Variants in RAD51B observed in about 807,000 individuals in gnomAD.
RAD51B encodes DNA repair protein RAD51 homolog 2.
In RAD51B, 38 loss-of-function variants were observed where a neutral mutation model predicts 42.2. The observed-to-expected ratio is 0.90, with a 90% CI of 0.70 to 1.18. RAD51B has a LOEUF of 1.18. RAD51B is among the 50% of genes most tolerant of loss of function. The probability of loss-of-function intolerance (pLI) is 0.00; values close to 1 mark genes in which losing one functional copy is unlikely to be tolerated. For synonymous variants in RAD51B, 154 were observed against 145.2 expected, an observed-to-expected ratio of 1.06 and a Z score of -0.43; for missense variants, 373 against 400.7, an observed-to-expected ratio of 0.93 and a Z score of 0.59.
At chr14:68,053,766 A>G (rs957534697) in intron 7 of RAD51B, among the ~76,000 whole-genome samples, 8 of 152,008 alleles carry the variant, frequency 5.3e-5, no homozygotes. Flanking sequence ...ATCTTGAATA[A>G]CTCCAATTCA....
At chr14:67,926,842 G>A (rs1475167844) in intron 7 of RAD51B, among the ~76,000 whole-genome samples, 2 of 152,190 alleles carry the variant, frequency 1.3e-5, no homozygotes, top group East Asian at 1.9e-4. Context: ...AATTACAGAC[G>A]TGAGCCACCA....
chr14:68,668,987 G>A (rs1345484460), intron 11 of RAD51B, among the ~76,000 whole-genome samples: 1 of 152,232 alleles, frequency 6.6e-6, no homozygotes, highest in East Asian at 1.9e-4. Context: ...AAACAGTGCT[G>A]GATTCTTTCT....
chr14:68,095,946 T>TGGGTGACA (rs1434646475), intron 7 of RAD51B, among the ~76,000 whole-genome samples: 3 of 123,986 alleles, frequency 2.4e-5, no homozygotes, highest in Non-Finnish European at 4.7e-5. Context: ...CTCTCCAGCC[T>TGGGTGACA]GGGTGACAGA....
At chr14:68,638,261 T>C (rs1172176143) in intron 10 of RAD51B, among the ~76,000 whole-genome samples, 2 of 152,204 alleles carry the variant, frequency 1.3e-5, no homozygotes, top group Non-Finnish European at 2.9e-5. Flanking sequence ...AATGAGCTTC[T>C]TATTAGGAGT....
intron 10 of RAD51B, among the ~76,000 whole-genome samples, chr14:68,533,919 G>A (rs566022190): frequency 3.3e-5 from 5 of 152,218 alleles, no homozygotes; most frequent in Admixed American, 1.3e-4. Context: ...AGTTTGGCAC[G>A]AGGAGAGAGG....
intron 7 of RAD51B, among the ~76,000 whole-genome samples, chr14:68,119,750 G>A (rs2077614708): frequency 6.6e-6 from 1 of 151,576 alleles, no homozygotes; most frequent in Non-Finnish European, 1.5e-5. Context: ...CCAAGTCTTT[G>A]CTATTGTGAA....
intron 7 of RAD51B, among the ~76,000 whole-genome samples, chr14:67,944,654 T>A (rs1005188587): frequency 2.0e-5 from 3 of 152,220 alleles, no homozygotes; most frequent in Admixed American, 2.0e-4. Flanking sequence ...TATTATTCAC[T>A]TTTCTAGGTA....
intron 7 of RAD51B, among the ~76,000 whole-genome samples, chr14:67,983,657 C>T (rs1314316409): frequency 6.6e-6 from 1 of 152,054 alleles, no homozygotes; most frequent in Non-Finnish European, 1.5e-5. Context: ...CAGTGATTTA[C>T]CTAAGATGAG....
chr14:68,249,140 C>G (rs552176523), intron 7 of RAD51B, among the ~76,000 whole-genome samples: 2 of 152,300 alleles, frequency 1.3e-5, no homozygotes, highest in African/African-American at 4.8e-5. Context: ...GCCGTGCAGT[C>G]GGTGGGTCAT....
intron 7 of RAD51B, among the ~76,000 whole-genome samples, chr14:67,891,408 A>T (rs1406175819): frequency 6.6e-6 from 1 of 152,080 alleles, no homozygotes; most frequent in East Asian, 1.9e-4. Flanking sequence ...ATTGCTTATC[A>T]AGGTTTTTGG....
chr14:67,991,479 A>G (rs1258402403), intron 7 of RAD51B, among the ~76,000 whole-genome samples: 1 of 152,182 alleles, frequency 6.6e-6, no homozygotes, highest in African/African-American at 2.4e-5. Context: ...GTCCATCATG[A>G]TATCACTGTG....
At chr14:67,992,224 A>T (rs1466258456) in intron 7 of RAD51B, among the ~76,000 whole-genome samples, 1 of 152,210 alleles carries the variant, frequency 6.6e-6, no homozygotes, top group Non-Finnish European at 1.5e-5. Context: ...AAAGAAGCCT[A>T]TAAGGAGTCA....
chr14:68,019,746 G>T (rs751785952), intron 7 of RAD51B, among the ~76,000 whole-genome samples: 1 of 152,006 alleles, frequency 6.6e-6, no homozygotes, highest in African/African-American at 2.4e-5. Flanking sequence ...GGATGACTGC[G>T]TATAACAAAA....
downstream of RAD51B, among the ~76,000 whole-genome samples, chr14:68,598,124 G>C (rs1891077882): frequency 6.6e-6 from 1 of 152,144 alleles, no homozygotes; most frequent in Non-Finnish European, 1.5e-5. Flanking sequence ...TCTACATAAA[G>C]AGGTGGTATC....
chr14:68,549,073 G>A (rs891286568), intron 10 of RAD51B, among the ~76,000 whole-genome samples: 1 of 152,190 alleles, frequency 6.6e-6, no homozygotes, highest in African/African-American at 2.4e-5. Context: ...CTGGGAGTCA[G>A]AGTGGGAGCT....
chr14:68,670,644 C>G (rs73278112), intron 11 of RAD51B, among the ~76,000 whole-genome samples: 1,732 of 152,328 alleles, frequency 0.011, 27 homozygotes, highest in African/African-American at 0.039. Context: ...CTCCTGGCCA[C>G]TTGCTACTTT....
At chr14:68,653,750 C>T (rs112250582) in intron 11 of RAD51B, among the ~76,000 whole-genome samples, 2 of 152,354 alleles carry the variant, frequency 1.3e-5, no homozygotes, top group African/African-American at 4.8e-5. Context: ...CATGGAGACA[C>T]GAACACAGGC....
chr14:68,089,174 G>T (rs2140512140), intron 7 of RAD51B, among the ~76,000 whole-genome samples: 1 of 152,186 alleles, frequency 6.6e-6, no homozygotes. Flanking sequence ...AATGGAGACA[G>T]TTCAAGTATC....
intron 7 of RAD51B, among the ~76,000 whole-genome samples, chr14:67,947,556 A>G (rs917101575): frequency 2.6e-5 from 4 of 152,148 alleles, no homozygotes; most frequent in African/African-American, 9.7e-5. Flanking sequence ...TAGCTTCCAA[A>G]AAGAGTTGTT....
Sources: gnomAD v4.1 joint callset for allele counts (sites outside exome capture counted in the v4.1 genomes callset) on GRCh38, gnomAD v4.1.1 for gene constraint, MANE v1.5 for transcripts, NCBI Gene and HGNC (gene_info 2026-07-23, HGNC 2026-07-21) for gene names.